Variants in CACNA1C observed in about 807,000 individuals in gnomAD.
CACNA1C encodes the protein voltage-dependent L-type calcium channel subunit alpha-1C.
CACNA1C carries 30 observed loss-of-function variants against 229.0 expected under a neutral mutation model. The ratio of observed to expected loss-of-function variants is 0.13; its 90% CI spans 0.10 to 0.18. The LOEUF (loss-of-function observed/expected upper bound fraction) is 0.18. CACNA1C is among the 10% of genes least tolerant of loss of function. CACNA1C has a pLI of 1.00. For synonymous variants in CACNA1C, 1,114 were observed against 1,132.5 expected, an observed-to-expected ratio of 0.98 and a Z score of 0.33; for missense variants, 1,658 against 2,845.0, an observed-to-expected ratio of 0.58 and a Z score of 9.49.
chr12:2,251,952 T>G (rs985289576), intron 3 of CACNA1C, among the ~76,000 whole-genome samples: 1 of 152,202 alleles, frequency 6.6e-6, no homozygotes, highest in Non-Finnish European at 1.5e-5. Context: ...CCATGAAAAT[T>G]TAGTCTCTCA....
chr12:2,363,604 C>T (rs1310495646), intron 3 of CACNA1C, among the ~76,000 whole-genome samples: 1 of 151,914 alleles, frequency 6.6e-6, no homozygotes, highest in Non-Finnish European at 1.5e-5. Flanking sequence ...CTCTGCCTCT[C>T]CCCACCCTTC....
intron 5 of CACNA1C, among the ~76,000 whole-genome samples, chr12:2,459,597 T>C (rs948494256): frequency 1.3e-5 from 2 of 152,194 alleles, no homozygotes; most frequent in Non-Finnish European, 2.9e-5. Flanking sequence ...TACTTAGGTA[T>C]AGAAACTGCA....
intron 3 of CACNA1C, among the ~76,000 whole-genome samples, chr12:2,430,387 A>G (rs193125067): frequency 1.5e-4 from 23 of 152,288 alleles, no homozygotes; most frequent in Admixed American, 6.5e-4. Context: ...AGAGACACTC[A>G]ATGTGTTGCC....
chr12:2,383,622 A>G (rs934729732), intron 3 of CACNA1C, among the ~76,000 whole-genome samples: 6 of 152,200 alleles, frequency 3.9e-5, no homozygotes, highest in Non-Finnish European at 8.8e-5. Context: ...GTGAATAGCA[A>G]TAATAATCAT....
At chr12:2,562,141 G>A (rs1243648650) in intron 11 of CACNA1C, among the ~76,000 whole-genome samples, 3 of 150,514 alleles carry the variant, frequency 2.0e-5, no homozygotes, top group African/African-American at 7.3e-5. Context: ...CAGTTGAAAG[G>A]GACACCGTCC....
At chr12:2,178,109 T>C (rs2096723394) in intron 3 of CACNA1C, among the ~76,000 whole-genome samples, 1 of 152,212 alleles carries the variant, frequency 6.6e-6, no homozygotes, top group Non-Finnish European at 1.5e-5. Context: ...GGAAGCAGAT[T>C]CTCCAAGGAA....
At chr12:2,682,861 C>CAA (rs2097220254) in intron 43 of CACNA1C, among the ~76,000 whole-genome samples, 183 bp downstream of exon 43, 6 of 32,992 alleles carry the variant, frequency 1.8e-4, no homozygotes, top group South Asian at 1.5e-3. Context: ...ACACACAACA[C>CAA]ACACAAACAC....
Position 2,053,461 on chromosome 12 carries a change from G to T in CACNA1C, c.-102G>T. 2.0e-6 allele frequency: 3 copies of T among 1,482,938 alleles called. No homozygotes were observed. The highest frequency in any genetic ancestry group is 2.7e-6 in the Non-Finnish European group (3 of 1,109,244). 91.9% of individuals were successfully genotyped at this position (1,482,938 alleles called of 1,614,324 possible). On this transcript the variant is annotated 5_prime_UTR_variant, in exon 1 of 47. Coordinates refer to ENST00000399655, the MANE Select transcript of CACNA1C (RefSeq NM_000719.7). This position sits in a 1 kb window ranked among gnomAD's most constrained non-coding sequence, Gnocchi z 5.8. Reference sequence around the variant, plus strand: ...CGGCTTCCTCGAATCTTGCGCGAAAGCCGCCGGCCTCGGAGGAGGGATTAA... The same window carrying T: ...CGGCTTCCTCGAATCTTGCGCGAAATCCGCCGGCCTCGGAGGAGGGATTAA...
chr12:2,614,762 T>A (rs1009023594), intron 29 of CACNA1C: 1 of 152,262 alleles, frequency 6.6e-6, no homozygotes, highest in Non-Finnish European at 1.5e-5. Flanking sequence ...TCACTGCTTA[T>A]GTTTCGTCTC....
chr12:2,113,884 G>A (rs550355019), intron 1 of CACNA1C, among the ~76,000 whole-genome samples: 12 of 152,312 alleles, frequency 7.9e-5, no homozygotes, highest in Admixed American at 3.3e-4. Flanking sequence ...AGGCTTCGTT[G>A]CCTAGACACC....
intron 1 of CACNA1C, among the ~76,000 whole-genome samples, chr12:2,044,128 G>C (rs544471174): frequency 2.6e-5 from 4 of 152,272 alleles, no homozygotes; most frequent in Admixed American, 1.3e-4. Flanking sequence ...CATGACAAAG[G>C]CAGAAAATTT....
chr12:2,031,997 G>GAGTGTGTT (rs554626403), intron 1 of CACNA1C, among the ~76,000 whole-genome samples: 2 of 106,374 alleles, frequency 1.9e-5, no homozygotes, highest in Non-Finnish European at 4.2e-5. Flanking sequence ...GTGTGTTTGT[G>GAGTGTGTT]TGTGTGTGTG....
At chr12:2,236,173 C>T (rs868115730) in intron 3 of CACNA1C, among the ~76,000 whole-genome samples, 106 of 152,148 alleles carry the variant, frequency 7.0e-4, no homozygotes, top group African/African-American at 2.5e-3. Context: ...CAGGACAGTA[C>T]CTTTCAGGTT....
At chr12:2,684,377 A>G (rs1482478439) in intron 43 of CACNA1C, among the ~76,000 whole-genome samples, 3 of 152,126 alleles carry the variant, frequency 2.0e-5, no homozygotes, top group Non-Finnish European at 4.4e-5. Context: ...TAAAAAAGGG[A>G]AATACCTGAA....
At chr12:1,973,008 ACTT>A (rs2033019111) in intron 1 of CACNA1C, among the ~76,000 whole-genome samples, 1 of 152,204 alleles carries the variant, frequency 6.6e-6, no homozygotes, top group South Asian at 2.1e-4. Context: ...CGGATTCTGT[ACTT>A]CTTCCCCATT....
At chr12:2,375,010 C>G (rs2154543117) in intron 3 of CACNA1C, among the ~76,000 whole-genome samples, 1 of 152,284 alleles carries the variant, frequency 6.6e-6, no homozygotes, top group East Asian at 1.9e-4. Context: ...TCTACGTCTT[C>G]ATCTTTACAA....
chr12:2,097,401 C>T (rs1314192534), intron 1 of CACNA1C, among the ~76,000 whole-genome samples: 1 of 152,128 alleles, frequency 6.6e-6, no homozygotes, highest in Non-Finnish European at 1.5e-5. Context: ...CCGCCTCGAC[C>T]TCCCAAAGTG....
chr12:2,197,216 G>A lies in CACNA1C; in HGVS notation c.477+76786G>A, dbSNP rs1434928556. 3.3e-5 allele frequency among the ~76,000 whole-genome samples: 5 copies of A among 152,118 alleles called. 1 individual carries two copies. In the South Asian group the frequency reaches 8.3e-4, roughly 25 times the overall value. ...CAGAACATACCCACCACGCCCTCGG[G>A]AAGTTTAAATCCCATCACTCTCTCT... On this transcript the variant is annotated intron_variant, in intron 3 of 46. Coordinates refer to ENST00000399655, the MANE Select transcript of CACNA1C (RefSeq NM_000719.7).
intron 9 of CACNA1C, among the ~76,000 whole-genome samples, chr12:2,522,588 C>T (rs1313473365): frequency 1.3e-5 from 2 of 152,094 alleles, no homozygotes; most frequent in Admixed American, 6.5e-5. Flanking sequence ...AGCCGGGAGT[C>T]GACAGAACAG....
Sources: allele counts gnomAD v4.1 joint callset (sites outside exome capture counted in the v4.1 genomes callset), GRCh38; gene constraint gnomAD v4.1.1; non-coding constraint Gnocchi (gnomAD v3.1); transcripts MANE v1.5; gene names NCBI Gene and HGNC (gene_info 2026-07-23, HGNC 2026-07-21).